The following LRP1B variants were observed in gnomAD, a reference collection of about 807,000 sequenced individuals.
The protein encoded by LRP1B is low-density lipoprotein receptor-related protein 1B.
LRP1B carries 217 observed loss-of-function variants against 556.6 expected under a neutral mutation model. The ratio of observed to expected loss-of-function variants is 0.39; its 90% CI spans 0.35 to 0.44. LRP1B has a LOEUF of 0.44. LRP1B is among the 20% of genes least tolerant of loss of function. LRP1B has a pLI of 1.00. For missense variants in LRP1B, 5,053 were observed against 5,620.8 expected, an observed-to-expected ratio of 0.90 and a Z score of 3.23; for synonymous variants, 2,047 against 1,865.8, an observed-to-expected ratio of 1.10 and a Z score of -2.50.
intron 7 of LRP1B, among the ~76,000 whole-genome samples, chr2:141,179,064 G>A (rs1051481456): frequency 6.6e-6 from 1 of 151,862 alleles, no homozygotes; most frequent in Non-Finnish European, 1.5e-5. Flanking sequence ...AATTATAATT[G>A]TTTTATGCAA....
At chr2:141,493,894 G>T (rs1683423897) in intron 2 of LRP1B, among the ~76,000 whole-genome samples, 1 of 152,158 alleles carries the variant, frequency 6.6e-6, no homozygotes, top group Non-Finnish European at 1.5e-5. Context: ...ACCCTAGGTT[G>T]TCCTTAGTGA....
chr2:141,905,765 ATG>A (rs56309590), intron 1 of LRP1B, among the ~76,000 whole-genome samples: 5,857 of 100,118 alleles, frequency 0.059, 151 homozygotes, highest in African/African-American at 0.083. Context: ...GTTTGAATAG[ATG>A]TGTGTGTGTG....
At chr2:141,472,092 C>T (rs62166281) in intron 3 of LRP1B, among the ~76,000 whole-genome samples, 66,897 of 151,988 alleles carry the variant, frequency 0.44, 15,031 homozygotes, top group Non-Finnish European at 0.49. Flanking sequence ...GAGGCTAGTA[C>T]GTTTGAGAAA....
chr2:140,895,583 C>T (rs1410563820), intron 23 of LRP1B, among the ~76,000 whole-genome samples: 2 of 152,166 alleles, frequency 1.3e-5, no homozygotes, highest in East Asian at 3.9e-4. Flanking sequence ...ACTTTGCTGT[C>T]CCTGGGTGGC....
At chr2:141,794,052 C>T (rs979231683) in intron 2 of LRP1B, among the ~76,000 whole-genome samples, 10 of 151,936 alleles carry the variant, frequency 6.6e-5, no homozygotes, top group African/African-American at 2.2e-4. Flanking sequence ...ATTATTAATA[C>T]TATTGGAATT....
At chr2:140,874,190 G>A (rs148274216) in intron 25 of LRP1B, among the ~76,000 whole-genome samples, 4 of 152,194 alleles carry the variant, frequency 2.6e-5, no homozygotes, top group African/African-American at 9.6e-5. Flanking sequence ...TCTATAGATT[G>A]GGGCTTGATA....
intron 2 of LRP1B, among the ~76,000 whole-genome samples, chr2:141,533,552 C>T (rs1448297493): frequency 6.6e-5 from 10 of 152,216 alleles, no homozygotes; most frequent in African/African-American, 1.9e-4. Context: ...ATCAACTGAG[C>T]CCCATAGATA....
intron 1 of LRP1B, among the ~76,000 whole-genome samples, chr2:142,081,087 C>G (rs999876145): frequency 4.6e-5 from 7 of 151,864 alleles, no homozygotes; most frequent in Admixed American, 2.6e-4. Context: ...TCCTGACTTC[C>G]AATATTGCCC....
At chr2:140,692,221 A>G (rs925352484) in intron 41 of LRP1B, among the ~76,000 whole-genome samples, 5 of 152,162 alleles carry the variant, frequency 3.3e-5, no homozygotes, top group Admixed American at 6.5e-5. Flanking sequence ...TATTGTTTAC[A>G]TAGTTTTCAA....
chr2:141,701,737 C>A (rs189044251), intron 2 of LRP1B, among the ~76,000 whole-genome samples: 168 of 151,966 alleles, frequency 1.1e-3, no homozygotes, highest in African/African-American at 3.7e-3. Flanking sequence ...CTAAGACAGT[C>A]TTCTCATGCT....
At chr2:141,399,717 T>C (rs1690376739) in intron 3 of LRP1B, among the ~76,000 whole-genome samples, 1 of 152,184 alleles carries the variant, frequency 6.6e-6, no homozygotes, top group Non-Finnish European at 1.5e-5. Context: ...TTCTGAGAAG[T>C]AGACACTGTC....
intron 2 of LRP1B, among the ~76,000 whole-genome samples, chr2:141,665,438 G>T (rs1222267666): frequency 6.6e-6 from 1 of 152,134 alleles, no homozygotes; most frequent in Non-Finnish European, 1.5e-5. Context: ...AATAGATGCT[G>T]GTGAGTCTGT....
intron 1 of LRP1B, among the ~76,000 whole-genome samples, chr2:141,957,439 G>A (rs1189927244): frequency 2.6e-5 from 4 of 151,102 alleles, no homozygotes. Flanking sequence ...GCACAGCCAT[G>A]TTAAGGAACC....
Position 141,836,694 on chromosome 2 carries a change from C to A in LRP1B, c.83-26293G>T, listed in dbSNP as rs989170770. ...CTGCTAACAGTATTTCTTTATGCTG[C>A]TATCTTAATTGCAATATATTTGTGC... On this transcript the variant is annotated intron_variant, in intron 1 of 90. Transcript: ENST00000389484. Among the ~76,000 whole-genome samples the A allele has an allele frequency of 3.3e-5, 5 of 152,028 alleles. 1 individual carries two copies. In the East Asian group the frequency reaches 7.7e-4, roughly 23 times the overall value.
intron 23 of LRP1B, chr2:140,898,831 C>A (rs886763141): frequency 4.1e-6 from 2 of 490,226 alleles, no homozygotes; most frequent in Non-Finnish European, 4.1e-6. Flanking sequence ...TGTGGTGGAT[C>A]TTTCCAAGAA....
chr2:140,510,846 C>T (rs537165506), intron 51 of LRP1B, among the ~76,000 whole-genome samples: 2 of 152,194 alleles, frequency 1.3e-5, no homozygotes, highest in South Asian at 4.1e-4. Context: ...CTTTCCTTCC[C>T]GTTATGATCA....
chr2:141,146,915 T>C (rs918542765), intron 7 of LRP1B, among the ~76,000 whole-genome samples: 2 of 152,152 alleles, frequency 1.3e-5, no homozygotes, highest in Non-Finnish European at 2.9e-5. Flanking sequence ...CCACCACCAC[T>C]GTTACAAGAA....
At chr2:140,468,705 C>T (rs112499307) in intron 60 of LRP1B, among the ~76,000 whole-genome samples, 2 of 152,194 alleles carry the variant, frequency 1.3e-5, no homozygotes, top group Non-Finnish European at 2.9e-5. Flanking sequence ...AGATTTTATT[C>T]GAGAATATTA....
intron 32 of LRP1B, among the ~76,000 whole-genome samples, chr2:140,810,271 C>T (rs1201864369): frequency 6.6e-6 from 1 of 152,086 alleles, no homozygotes; most frequent in Non-Finnish European, 1.5e-5. Context: ...CTTTCAGTTA[C>T]TTATCATTCA....
Sources: allele counts gnomAD v4.1 joint callset (sites outside exome capture counted in the v4.1 genomes callset), GRCh38; gene constraint gnomAD v4.1.1; transcripts MANE v1.5; gene names NCBI Gene and HGNC (gene_info 2026-07-23, HGNC 2026-07-21).